Variants in EMILIN2 observed in about 807,000 individuals in gnomAD.
EMILIN2 encodes EMILIN-2.
In EMILIN2, 71 loss-of-function variants were observed where a neutral mutation model predicts 87.1. That is an observed-to-expected ratio of 0.82 (90% confidence interval 0.67 to 0.99). EMILIN2 has a LOEUF of 0.99. Among genes scored for constraint, EMILIN2 ranks in the 50% least tolerant of loss-of-function variants. The probability of loss-of-function intolerance (pLI) is 0.00; values close to 1 mark genes in which losing one functional copy is unlikely to be tolerated. For synonymous variants in EMILIN2, 581 were observed against 563.4 expected, an observed-to-expected ratio of 1.03 and a Z score of -0.44; for missense variants, 1,407 against 1,371.8, an observed-to-expected ratio of 1.03 and a Z score of -0.40.
At chr18:2,903,722 C>T (rs1028565240) in intron 4 of EMILIN2, among the ~76,000 whole-genome samples, 1 of 152,206 alleles carries the variant, frequency 6.6e-6, no homozygotes, top group African/African-American at 2.4e-5. Flanking sequence ...CTTCAACAGC[C>T]TCTTAATACA....
chr18:2,861,664 T>G (rs1480084964), intron 2 of EMILIN2, among the ~76,000 whole-genome samples: 1 of 152,152 alleles, frequency 6.6e-6, no homozygotes, highest in South Asian at 2.1e-4. Context: ...AGTCAGGTAG[T>G]GTGATGCCTC....
intron 3 of EMILIN2, among the ~76,000 whole-genome samples, chr18:2,887,335 C>T (rs1023245569): frequency 3.3e-5 from 5 of 151,976 alleles, no homozygotes; most frequent in Non-Finnish European, 7.4e-5. Flanking sequence ...AATGCTTTTC[C>T]TCTGATATAG....
At chr18:2,899,136 A>T (rs2076876816) in intron 4 of EMILIN2, among the ~76,000 whole-genome samples, 1 of 152,240 alleles carries the variant, frequency 6.6e-6, no homozygotes, top group Admixed American at 6.5e-5. Context: ...GCTGCTCAGC[A>T]GCAGGGATGA....
In EMILIN2 at chr18:2,847,199, C is replaced by A; in HGVS notation, c.11C>A (p.Pro4His). Residue 4 changes from proline (P) to histidine (H), a missense_variant, in exon 1 of 8, where the codon CCC becomes CAC. Pro to His is a moderately conservative substitution (Grantham distance 77). Coordinates refer to ENST00000254528, the MANE Select transcript of EMILIN2 (RefSeq NM_032048.3). The surrounding 1 kb of genome is among the most constrained non-coding windows in gnomAD (Gnocchi z 4.5). ...CCCGCTGCGCGCGGGATGTGGCAGC[C>A]CAGACGGCCCTGGCCCCGCGTGCCC... is the stretch of plus-strand genomic sequence containing the variant. MWQPRRPWPRVPWR... is the reference protein window; with the variant it reads MWQHRRPWPRVPWR... The A allele has an allele frequency of 8.4e-7, 1 of 1,194,678 alleles. No homozygotes were observed. Among genetic ancestry groups the A allele is most frequent in the Non-Finnish European group, 1.0e-6 (1 of 966,034 alleles). 74.0% of individuals were successfully genotyped at this position (1,194,678 alleles called of 1,614,324 possible). A position where few individuals can be genotyped will look rare whatever the true frequency, so the allele number is the denominator to read the frequency against.
intron 2 of EMILIN2, among the ~76,000 whole-genome samples, chr18:2,865,701 G>C (rs1214282123): frequency 6.6e-6 from 1 of 152,206 alleles, no homozygotes; most frequent in African/African-American, 2.4e-5. Context: ...CAGATCTCCA[G>C]CTGTGTGCTG....
chr18:2,874,388 C>CTG (rs141815682), intron 2 of EMILIN2, among the ~76,000 whole-genome samples: 130 of 151,346 alleles, frequency 8.6e-4, no homozygotes, highest in African/African-American at 2.3e-3. Context: ...GGATAGATTC[C>CTG]TGTGTGTGTG....
At chr18:2,884,019 G>A (rs9957345) in intron 2 of EMILIN2, among the ~76,000 whole-genome samples, 3,032 of 152,086 alleles carry the variant, frequency 0.02, 104 homozygotes, top group African/African-American at 0.07. Flanking sequence ...GCAGTGGCGC[G>A]ATCTCGGCTC....
intron 4 of EMILIN2, among the ~76,000 whole-genome samples, chr18:2,903,542 C>A (rs1349648181): frequency 6.6e-6 from 1 of 151,532 alleles, no homozygotes; most frequent in Non-Finnish European, 1.5e-5. Flanking sequence ...GTATATTGAC[C>A]CCCCCTTCCT....
chr18:2,860,440 A>G (rs1456232493), intron 2 of EMILIN2, among the ~76,000 whole-genome samples: 3 of 151,758 alleles, frequency 2.0e-5, no homozygotes, highest in Non-Finnish European at 2.9e-5. Flanking sequence ...TCCTGTGTCC[A>G]TGTGTTATCA....
chr18:2,866,578 C>T (rs2076687709), intron 2 of EMILIN2, among the ~76,000 whole-genome samples: 1 of 152,184 alleles, frequency 6.6e-6, no homozygotes, highest in African/African-American at 2.4e-5. Context: ...ATTCACTTAT[C>T]AGTTCTAGGA....
At chr18:2,897,297 C>G (rs2076868043) in intron 4 of EMILIN2, among the ~76,000 whole-genome samples, 1 of 152,186 alleles carries the variant, frequency 6.6e-6, no homozygotes, top group Admixed American at 6.5e-5. Context: ...ATGTCCTGGA[C>G]TTAGTAATCA....
Position 2,913,893 on chromosome 18 carries a change from C to G in EMILIN2, c.*489C>G, listed in dbSNP as rs2076954236. 1 of 158,020 alleles carries G rather than the reference C, an allele frequency of 6.3e-6. No homozygotes were observed. The highest frequency in any genetic ancestry group is 6.0e-5 in the Admixed American group (1 of 16,612). 9.8% of individuals were successfully genotyped at this position (158,020 alleles called of 1,614,324 possible). Reference sequence around the variant, plus strand: ...ACAGAGACCCCGACTTTAGTTTGGGCTGTTCCACGCTTGGCTCACCATTGC... The same window carrying G: ...ACAGAGACCCCGACTTTAGTTTGGGGTGTTCCACGCTTGGCTCACCATTGC... On this transcript the variant is annotated 3_prime_UTR_variant, in exon 8 of 8. Coordinates refer to ENST00000254528, the MANE Select transcript of EMILIN2 (RefSeq NM_032048.3).
At chr18:2,902,574 G>T (rs906732984) in intron 4 of EMILIN2, among the ~76,000 whole-genome samples, 1 of 152,210 alleles carries the variant, frequency 6.6e-6, no homozygotes, top group Non-Finnish European at 1.5e-5. Flanking sequence ...AAGGCACGAA[G>T]CCAGGGAAGT....
At chr18:2,857,986 C>T (rs2076636456) in intron 2 of EMILIN2, among the ~76,000 whole-genome samples, 1 of 152,086 alleles carries the variant, frequency 6.6e-6, no homozygotes, top group South Asian at 2.1e-4. Flanking sequence ...AAATAACTGG[C>T]AAGGCAAGGC....
At chr18:2,889,692 C>CTTT (rs34248672) in intron 3 of EMILIN2, among the ~76,000 whole-genome samples, 1,259 of 96,604 alleles carry the variant, frequency 0.013, 36 homozygotes, top group African/African-American at 0.048. Flanking sequence ...TTTTTCTTTT[C>CTTT]TTTTTTTTTT....
intron 5 of EMILIN2, 29 bp downstream of exon 5, chr18:2,907,114 C>T (rs1393760275): frequency 8.9e-6 from 11 of 1,230,948 alleles, no homozygotes; most frequent in Non-Finnish European, 1.1e-5. Context: ...CGGGGAGGAG[C>T]GCGGGGCTCT....
rs2076952878 is a variant in EMILIN2, at chr18:2,913,520, C to CAT, written c.*118_*119dup. On this transcript the variant is annotated 3_prime_UTR_variant, in exon 8 of 8. Transcript: ENST00000254528. ...GCTAGAGTTTCCACATAGGCCCCAA[C>CAT]ATAAAGGCCTTCCCTCGCTGTTGAG... 1.2e-6 allele frequency: 1 copy of CAT among 814,036 alleles called. No homozygotes were observed. The highest frequency in any genetic ancestry group is 1.7e-5 in the African/African-American group (1 of 57,688). 50.4% of individuals were successfully genotyped at this position (814,036 alleles called of 1,614,324 possible).
Position 2,884,338 on chromosome 18 carries a change from G to A in EMILIN2, c.258-626G>A, listed in dbSNP as rs147790463. 4.3e-3 allele frequency among the ~76,000 whole-genome samples: 653 copies of A among 152,182 alleles called. 5 individuals are homozygous for A. Among genetic ancestry groups the A allele is most frequent in the African/African-American group, 0.015 (627 of 41,520 alleles). ...GTGATCTCAGCTCACTGCAACCTCC[G>A]CCTTCTGGATTCAAACAATTCTCGT... On this transcript the variant is annotated intron_variant, in intron 2 of 7. Transcript: ENST00000254528.
Position 2,879,430 on chromosome 18 carries a change from G to A in EMILIN2, c.258-5534G>A, listed in dbSNP as rs986560697. 3.9e-5 allele frequency among the ~76,000 whole-genome samples: 6 copies of A among 152,218 alleles called. No individual in the cohort carries two copies. In the East Asian group the frequency reaches 5.8e-4, roughly 15 times the overall value. On this transcript the variant is annotated intron_variant, in intron 2 of 7. Transcript: ENST00000254528. ...TCCCAGCCCTTTGGGAGGCCAAGGC[G>A]GGCGGATCACCTGAGGTTGGGAGTT...
Sources: gnomAD v4.1 joint callset for allele counts (sites outside exome capture counted in the v4.1 genomes callset) on GRCh38, gnomAD v4.1.1 for gene constraint, Gnocchi (gnomAD v3.1) non-coding constraint, MANE v1.5 for transcripts, NCBI Gene and HGNC (gene_info 2026-07-23, HGNC 2026-07-21) for gene names.